Variants in FBXW10 observed in about 807,000 individuals in gnomAD.
FBXW10 encodes F-box and WD repeat domain containing 10.
Under a neutral mutation model 113.1 loss-of-function variants are expected in FBXW10, and 68 were observed. That is an observed-to-expected ratio of 0.60 (90% confidence interval 0.49 to 0.74). The LOEUF (loss-of-function observed/expected upper bound fraction) is 0.74, where lower values mean the gene tolerates loss of function less well. Ranked by LOEUF, FBXW10 falls within the 30% of genes least tolerant of loss-of-function variation. The probability of loss-of-function intolerance (pLI) is 0.00; values close to 1 mark genes in which losing one functional copy is unlikely to be tolerated. For missense variants in FBXW10, 753 were observed against 1,284.5 expected (o/e 0.59, Z 6.32); for synonymous variants, 289 against 481.6 (o/e 0.60, Z 5.24).
At position 18,744,579 on chromosome 17, in the gene FBXW10, A is replaced by G. The variant is rs2035002425; in HGVS notation, c.335A>G (p.Lys112Arg). Residue 112 changes from lysine (K) to arginine (R), a missense_variant, in exon 1 of 14, where the codon AAA (lysine) becomes AGA (arginine). By Grantham distance (26) the Lys-to-Arg change is conservative (BLOSUM62 2). Transcript: ENST00000395665. Reference sequence around the variant, plus strand: ...TCCTCCTTGAACCAAATGTTGGATAAAACAGTAGAACAGAAGATGAAAGAG... The same window carrying G: ...TCCTCCTTGAACCAAATGTTGGATAGAACAGTAGAACAGAAGATGAAAGAG... ...VKSSLNQMLD[K>R]TVEQKMKEIL... 2 of 1,614,030 alleles carry G rather than the reference A, an allele frequency of 1.2e-6. No individual in the cohort carries two copies. Among genetic ancestry groups the G allele is most frequent in the East Asian group, 4.5e-5 (2 of 44,892 alleles).
rs140324566 is a variant in FBXW10 at position 18,772,959 on chromosome 17, G to A, written c.2278+276G>A. Reference sequence around the variant, plus strand: ...TTTTTTTTTTTTGAGATGGAGTTTCGCTCTTGTTGCCCAGGCTGGAGTGCA... The same window carrying A: ...TTTTTTTTTTTTGAGATGGAGTTTCACTCTTGTTGCCCAGGCTGGAGTGCA... On this transcript the variant is annotated intron_variant, in intron 12 of 13. Transcript: ENST00000395665. Among the ~76,000 whole-genome samples, 1,361 of 138,220 alleles carry A rather than the reference G, an allele frequency of 9.8e-3. 18 individuals carry two copies. The highest frequency in any genetic ancestry group is 0.035 in the African/African-American group (1,271 of 36,730). The allele number at this position is 138,220 out of a possible 152,430, so 90.7% of individuals were successfully genotyped here.
Position 18,744,210 on chromosome 17 carries a change from G to A in FBXW10, c.-35G>A, listed in dbSNP as rs186119518. On this transcript the variant is annotated 5_prime_UTR_variant, in exon 1 of 14. Coordinates refer to ENST00000395665, the MANE Select transcript of FBXW10 (RefSeq NM_001267585.2). ...GTTTGGTGGCGTTGCCGTTGCAAGTGCGCAGGGCTAAAATGGACTGGTTAT... is the reference window on the plus strand; with the variant it reads ...GTTTGGTGGCGTTGCCGTTGCAAGTACGCAGGGCTAAAATGGACTGGTTAT... 4.0e-5 allele frequency: 59 copies of A among 1,480,536 alleles called. No individual in the cohort carries two copies. In the Admixed American group the frequency reaches 8.7e-4, roughly 22 times the overall value. 91.7% of individuals were successfully genotyped at this position (1,480,536 alleles called of 1,614,324 possible).
Position 18,772,428 on chromosome 17 carries a change from G to C in FBXW10, c.2023G>C (p.Glu675Gln). 1 of 1,613,904 alleles carries C rather than the reference G, an allele frequency of 6.2e-7. No homozygotes were observed. The highest frequency in any genetic ancestry group is 8.5e-7 in the Non-Finnish European group (1 of 1,179,922). The stretch of plus-strand genomic sequence containing the variant: ...CGGTTCCAGGATGGTGGTCAACACA[G>C]AGAGCAATGTTCTCATGTTCCAGTT... ...IQGNRMVVNT[E>Q]SNVLMFQFEH... is the part of the protein sequence containing the mutation. The change falls in exon 12 of 14, where the codon GAG becomes CAG. Residue 675 changes from glutamate (E) to glutamine (Q), a missense_variant. Transcript: ENST00000395665.
intron 7 of FBXW10, among the ~76,000 whole-genome samples, chr17:18,763,154 T>C (rs925643279): frequency 3.3e-4 from 50 of 151,422 alleles, no homozygotes; most frequent in Non-Finnish European, 7.2e-4. Flanking sequence ...GTGAAGTAAG[T>C]ACAATTTTTT....
intron 1 of FBXW10, among the ~76,000 whole-genome samples, chr17:18,746,571 T>C (rs2035040812): frequency 6.6e-6 from 1 of 152,094 alleles, no homozygotes. Context: ...GTGTCAGGGG[T>C]ATAGAAGAAT....
At position 18,766,816 on chromosome 17, in the gene FBXW10, G is replaced by A. The variant is rs141626132; in HGVS notation, c.1658G>A (p.Arg553Gln). 1.2e-3 allele frequency: 1,863 copies of A among 1,611,908 alleles called. 31 individuals carry two copies. In the Admixed American group the frequency reaches 0.03, roughly 26 times the overall value. The change falls in exon 9 of 14, where the codon CGA (arginine) becomes CAA (glutamine). Residue 553 changes from arginine to glutamine, a missense_variant. Transcript: ENST00000395665. ...NDTYIVSSCERGLVKVWHIAM... is the reference protein window; with the variant it reads ...NDTYIVSSCEQGLVKVWHIAM... Reference sequence around the variant, plus strand: ...ACCTACATTGTGAGCAGCTGTGAGCGAGGGCTGGTGAAAGTGTGGCACATT... The same window carrying A: ...ACCTACATTGTGAGCAGCTGTGAGCAAGGGCTGGTGAAAGTGTGGCACATT...
At chr17:18,749,976 T>C (rs1431832437) in intron 3 of FBXW10, 34 bp from the exon 4 acceptor site, 1 of 1,613,838 alleles carries the variant, frequency 6.2e-7, no homozygotes, top group African/African-American at 1.3e-5. Context: ...TTGGCCCAGT[T>C]CTGGGGTTTC....
chr17:18,767,755 C>T (rs1172331887), intron 9 of FBXW10, among the ~76,000 whole-genome samples: 1 of 152,104 alleles, frequency 6.6e-6, no homozygotes, highest in African/African-American at 2.4e-5. Flanking sequence ...CCAGCGGTTG[C>T]AGGCACAGGG....
chr17:18,759,715 C>T (rs2035343062), intron 7 of FBXW10, among the ~76,000 whole-genome samples: 1 of 151,998 alleles, frequency 6.6e-6, no homozygotes, highest in Non-Finnish European at 1.5e-5. Flanking sequence ...CAGGTTCACA[C>T]CATTCTCTTG....
intron 4 of FBXW10, among the ~76,000 whole-genome samples, chr17:18,750,668 G>A (rs1215122701): frequency 6.6e-6 from 1 of 152,012 alleles, no homozygotes; most frequent in African/African-American, 2.4e-5. Flanking sequence ...AGGATGAGAA[G>A]CAGCAGCTAT....
chr17:18,772,460 C>T lies in FBXW10; in HGVS notation c.2055C>T (p.His685=), dbSNP rs372149006. ...ESNVLMFQFE[H]IKWQYAVEKT... ...ATGTTCTCATGTTCCAGTTTGAGCA[C>T]ATAAAGTGGCAGTATGCCGTGGAAA... The change falls in exon 12 of 14, where the codon CAC becomes CAT. Residue 685 remains histidine, a synonymous_variant. Transcript: ENST00000395665. 3.1e-6 allele frequency: 5 copies of T among 1,613,928 alleles called. No individual in the cohort carries two copies. Among genetic ancestry groups the T allele is most frequent in the Non-Finnish European group, 4.2e-6 (5 of 1,179,966 alleles).
intron 11 of FBXW10, among the ~76,000 whole-genome samples, chr17:18,770,306 CTT>C (rs60946049): frequency 3.4e-3 from 448 of 131,598 alleles, no homozygotes; most frequent in South Asian, 5.4e-3. Context: ...TTCATTTTGA[CTT>C]TTTTTTTTTT....
intron 13 of FBXW10, among the ~76,000 whole-genome samples, chr17:18,777,962 T>C (rs1159933367): frequency 6.6e-6 from 1 of 151,864 alleles, no homozygotes. Context: ...TAAAAACTTG[T>C]TTTATTGGCC....
At chr17:18,761,638 T>C (rs186352126) in intron 7 of FBXW10, among the ~76,000 whole-genome samples, 74 of 152,362 alleles carry the variant, frequency 4.9e-4, no homozygotes, top group African/African-American at 1.7e-3. Context: ...CAACTTTCAA[T>C]AAAACCTAAC....
chr17:18,761,938 T>A (rs1162393150), intron 7 of FBXW10, among the ~76,000 whole-genome samples: 3 of 152,154 alleles, frequency 2.0e-5, no homozygotes, highest in African/African-American at 7.2e-5. Flanking sequence ...AAAGCATGTA[T>A]GTTTCATAAT....
intron 8 of FBXW10, among the ~76,000 whole-genome samples, chr17:18,766,036 T>C (rs1237090132): frequency 2.0e-5 from 3 of 152,076 alleles, no homozygotes; most frequent in Non-Finnish European, 4.4e-5. Flanking sequence ...ATTAACTTCT[T>C]CATTTTAGAA....
At chr17:18,766,441 C>A (rs1053615122) in intron 8 of FBXW10, among the ~76,000 whole-genome samples, 1 of 152,078 alleles carries the variant, frequency 6.6e-6, no homozygotes, top group Non-Finnish European at 1.5e-5. Context: ...AGCACTTGGG[C>A]CTCAAGGCTA....
intron 6 of FBXW10, among the ~76,000 whole-genome samples, chr17:18,756,495 C>T (rs1352406046): frequency 1.3e-5 from 2 of 151,538 alleles, no homozygotes; most frequent in African/African-American, 2.4e-5. Context: ...TTTCAAATGC[C>T]AGAAAATGTA....
At chr17:18,758,122 T>C (rs1218460204) in intron 6 of FBXW10, among the ~76,000 whole-genome samples, 183 bp from the exon 7 acceptor site, 1 of 152,214 alleles carries the variant, frequency 6.6e-6, no homozygotes, top group Non-Finnish European at 1.5e-5. Context: ...TTTGTCATCG[T>C]GTGAGAGTGG....
Sources: allele counts gnomAD v4.1 joint callset (sites outside exome capture counted in the v4.1 genomes callset), GRCh38; gene constraint gnomAD v4.1.1; transcripts MANE v1.5; gene names NCBI Gene and HGNC (gene_info 2026-07-23, HGNC 2026-07-21).